CDH8: variants seen among roughly 807,000 people sequenced by gnomAD.
CDH8 encodes the protein cadherin 8.
In CDH8, 17 loss-of-function variants were observed where a neutral mutation model predicts 68.1. The ratio of observed to expected loss-of-function variants is 0.25; its 90% confidence interval spans 0.17 to 0.37. The LOEUF is 0.37. Ranked by LOEUF, CDH8 falls within the 10% of genes least tolerant of loss-of-function variation. CDH8 has a pLI of 1.00. For missense variants in CDH8, 763 were observed against 999.3 expected (o/e 0.76, Z 3.19); for synonymous variants, 372 against 365.1 (o/e 1.02, Z -0.21).
At chr16:61,852,537 G>C (rs766365049) in intron 4 of CDH8, among the ~76,000 whole-genome samples, 1 of 152,058 alleles carries the variant, frequency 6.6e-6, no homozygotes, top group Non-Finnish European at 1.5e-5. Flanking sequence ...TACTAGAATA[G>C]CATTGTGTTG....
chr16:61,667,871 C>A (rs1167612582), intron 10 of CDH8: 1 of 152,050 alleles, frequency 6.6e-6, no homozygotes, highest in East Asian at 1.9e-4. Context: ...GGTTTCTCAG[C>A]TGGAGGCTAA....
At chr16:61,797,198 C>A (rs1165747688) in intron 7 of CDH8, among the ~76,000 whole-genome samples, 1 of 152,062 alleles carries the variant, frequency 6.6e-6, no homozygotes, top group Admixed American at 6.6e-5. Flanking sequence ...CATATCCACA[C>A]AAAGCCTCCA....
chr16:61,948,597 C>T (rs545256278), intron 2 of CDH8, among the ~76,000 whole-genome samples: 19 of 152,128 alleles, frequency 1.2e-4, no homozygotes, highest in African/African-American at 4.3e-4. Context: ...GAAGAGCAGA[C>T]AGTTGAAGAG....
chr16:61,648,469 T>C lies in CDH8; in HGVS notation c.*5139A>G, dbSNP rs1478732216. The stretch of plus-strand genomic sequence containing the variant: ...CCTTACTTCCTCCTCAGTACTTCCA[T>C]AGCACTATATATAACTTAGTTTCTA... On this transcript the variant is annotated 3_prime_UTR_variant, in exon 12 of 12. Coordinates refer to ENST00000577390, the MANE Select transcript of CDH8 (RefSeq NM_001796.5). 6.6e-6 allele frequency: 1 copy of C among 152,034 alleles called. No individual in the cohort carries two copies. The highest frequency in any genetic ancestry group is 2.4e-5 in the African/African-American group (1 of 41,418). 9.4% of individuals were successfully genotyped at this position (152,034 alleles called of 1,614,324 possible). A position where few individuals can be genotyped will look rare whatever the true frequency, so the allele number is the denominator to read the frequency against.
rs1567546552 is a variant in CDH8, at chr16:61,960,336, C to CACATATATACGTGTGTGTGTATACAT, written c.253-58864_253-58863insATGTATACACACACACGTATATATGT. Among the ~76,000 whole-genome samples the CACATATATACGTGTGTGTGTATACAT allele has an allele frequency of 2.8e-4, 12 of 42,300 alleles. 2 individuals are homozygous for CACATATATACGTGTGTGTGTATACAT. The highest frequency in any genetic ancestry group is 7.0e-4 in the South Asian group (1 of 1,424). The allele number at this position is 42,300 out of a possible 152,430, so 27.8% of individuals were successfully genotyped here. On this transcript the variant is annotated intron_variant, in intron 2 of 11. Transcript: ENST00000577390. The stretch of plus-strand genomic sequence containing the variant: ...ACATATATACGTGTGTGTGTATACA[C>CACATATATACGTGTGTGTGTATACAT]ACATATATACATGTGTGTGTGTATA...
intron 2 of CDH8, among the ~76,000 whole-genome samples, chr16:61,945,671 G>C (rs767947922): frequency 1.3e-5 from 2 of 151,932 alleles, no homozygotes; most frequent in Non-Finnish European, 2.9e-5. Flanking sequence ...AACCCAGGGA[G>C]TCATCAGCAA....
At chr16:61,894,350 G>A (rs752096594) in intron 3 of CDH8, among the ~76,000 whole-genome samples, 6 of 152,280 alleles carry the variant, frequency 3.9e-5, no homozygotes, top group East Asian at 1.9e-4. Context: ...TAAGTCTTAC[G>A]TTAGTGTGGT....
intron 10 of CDH8, among the ~76,000 whole-genome samples, chr16:61,685,511 G>A (rs1435282991): frequency 6.6e-6 from 1 of 151,898 alleles, no homozygotes; most frequent in Non-Finnish European, 1.5e-5. Flanking sequence ...ATGGAGAAGA[G>A]ATAAAGAAGA....
chr16:61,831,113 G>A (rs192156983), intron 4 of CDH8, among the ~76,000 whole-genome samples: 22 of 151,728 alleles, frequency 1.4e-4, no homozygotes, highest in Non-Finnish European at 1.9e-4. Flanking sequence ...AGTCTCAGTA[G>A]CTTAAGTTGC....
intron 7 of CDH8, among the ~76,000 whole-genome samples, chr16:61,795,382 G>A (rs1177296235): frequency 1.3e-5 from 2 of 151,994 alleles, no homozygotes; most frequent in African/African-American, 2.4e-5. Flanking sequence ...ACAACCTGAG[G>A]AGCCAGAGAG....
intron 8 of CDH8, among the ~76,000 whole-genome samples, chr16:61,734,011 T>C (rs943161533): frequency 1.5e-4 from 23 of 152,122 alleles, no homozygotes; most frequent in African/African-American, 1.7e-4. Flanking sequence ...ATTTTGATTA[T>C]TGAATATGTG....
chr16:61,758,938 A>T (rs1960391598), intron 8 of CDH8, among the ~76,000 whole-genome samples: 1 of 152,062 alleles, frequency 6.6e-6, no homozygotes, highest in Non-Finnish European at 1.5e-5. Flanking sequence ...GAAAAATCTG[A>T]CTTTGGTGAC....
chr16:61,929,084 T>C (rs557598838), intron 2 of CDH8, among the ~76,000 whole-genome samples: 14 of 152,136 alleles, frequency 9.2e-5, no homozygotes, highest in Non-Finnish European at 1.3e-4. Flanking sequence ...AATTTTTTTG[T>C]ATTTTTAGTA....
Position 61,902,764 on chromosome 16 carries a change from T to C in CDH8, c.253-1291A>G, listed in dbSNP as rs1963999655. ...AAAGACATAAAATAGCAACAAAGAT[T>C]CCAAATGCATCTAGATCTCCTACTT... On this transcript the variant is annotated intron_variant, in intron 2 of 11. Transcript: ENST00000577390. 2.0e-5 allele frequency among the ~76,000 whole-genome samples: 3 copies of C among 152,194 alleles called. No homozygotes were observed. In the South Asian group the frequency reaches 6.2e-4, roughly 32 times the overall value.
At chr16:61,816,465 G>A (rs1962077332) in intron 7 of CDH8, among the ~76,000 whole-genome samples, 1 of 152,172 alleles carries the variant, frequency 6.6e-6, no homozygotes, top group Non-Finnish European at 1.5e-5. Flanking sequence ...TTTGTGACTT[G>A]TAAATTGAAA....
intron 3 of CDH8, among the ~76,000 whole-genome samples, chr16:61,900,813 A>G (rs1963956244): frequency 6.6e-6 from 1 of 152,224 alleles, no homozygotes; most frequent in South Asian, 2.1e-4. Context: ...ATATACACAA[A>G]CAAATAATTA....
At chr16:61,800,985 TTATGAG>T (rs147683143) in intron 7 of CDH8, among the ~76,000 whole-genome samples, 4,678 of 152,236 alleles carry the variant, frequency 0.031, 224 homozygotes, top group African/African-American at 0.11. Flanking sequence ...TTATTTTGCC[TTATGAG>T]TATAATAATG....
intron 10 of CDH8, among the ~76,000 whole-genome samples, chr16:61,689,885 G>C (rs1964184232): frequency 6.6e-6 from 1 of 151,674 alleles, no homozygotes; most frequent in African/African-American, 2.4e-5. Context: ...CTTTGCTCAA[G>C]GTTACATCAC....
At chr16:61,689,467 G>A (rs1352021590) in intron 10 of CDH8, among the ~76,000 whole-genome samples, 1 of 151,872 alleles carries the variant, frequency 6.6e-6, no homozygotes, top group East Asian at 1.9e-4. Context: ...CCACACCCAG[G>A]CACATACAGA....
Sources: gnomAD v4.1 joint callset for allele counts (sites outside exome capture counted in the v4.1 genomes callset) on GRCh38, gnomAD v4.1.1 for gene constraint, MANE v1.5 for transcripts, NCBI Gene and HGNC (gene_info 2026-07-23, HGNC 2026-07-21) for gene names.